Variants in STPG2 observed in about 807,000 individuals in gnomAD.
The protein encoded by STPG2 is sperm-tail PG-rich repeat-containing protein 2.
In STPG2, 56 loss-of-function variants were observed where a neutral mutation model predicts 54.2. That is an observed-to-expected ratio of 1.03 (90% confidence interval 0.83 to 1.29). The LOEUF is 1.29. Ranked by LOEUF, STPG2 falls within the 50% of genes most tolerant of loss-of-function variation. The pLI is 0.00. For missense variants in STPG2, 596 were observed against 544.9 expected, an observed-to-expected ratio of 1.09 and a Z score of -0.93; for synonymous variants, 200 against 181.8, an observed-to-expected ratio of 1.10 and a Z score of -0.81.
intron 9 of STPG2, among the ~76,000 whole-genome samples, chr4:97,735,954 C>A (rs1288153593): frequency 6.6e-6 from 1 of 152,076 alleles, no homozygotes; most frequent in Non-Finnish European, 1.5e-5. Flanking sequence ...CTCAACATCA[C>A]AAATCATCAG....
At chr4:97,893,935 C>A (rs1052815441) in intron 8 of STPG2, among the ~76,000 whole-genome samples, 2 of 151,804 alleles carry the variant, frequency 1.3e-5, no homozygotes, top group South Asian at 2.1e-4. Context: ...GTATCAGGAA[C>A]AGAAAGGGTA....
intron 9 of STPG2, among the ~76,000 whole-genome samples, chr4:97,797,830 G>T (rs1727251125): frequency 6.6e-6 from 1 of 152,080 alleles, no homozygotes. Flanking sequence ...ACTTTTTTTG[G>T]TTGGTAGGCT....
chr4:97,451,192 G>A (rs547042233), intron 4 of STPG2, among the ~76,000 whole-genome samples: 1 of 152,278 alleles, frequency 6.6e-6, no homozygotes, highest in African/African-American at 2.4e-5. Context: ...AGATTAGAAT[G>A]TCAGAGAGTG....
chr4:97,797,332 A>G (rs896683893), intron 9 of STPG2, among the ~76,000 whole-genome samples: 10 of 152,072 alleles, frequency 6.6e-5, no homozygotes, highest in African/African-American at 2.4e-4. Flanking sequence ...GTTTGTCATA[A>G]ATAGCTCTTA....
intron 10 of STPG2, among the ~76,000 whole-genome samples, chr4:97,629,556 A>G (rs1721193063): frequency 6.6e-6 from 1 of 152,022 alleles, no homozygotes; most frequent in Non-Finnish European, 1.5e-5. Flanking sequence ...CATATTACGT[A>G]ACAAAAAAAA....
At chr4:97,722,491 G>C (rs1438788965) in intron 9 of STPG2, among the ~76,000 whole-genome samples, 5 of 151,944 alleles carry the variant, frequency 3.3e-5, no homozygotes, top group Non-Finnish European at 7.4e-5. Context: ...CACACTTTTT[G>C]AGGGGTTTTA....
rs867903211 is a variant in STPG2, at chr4:97,910,309, T to C, written c.1044+33588A>G. Among the ~76,000 whole-genome samples the C allele has an allele frequency of 7.2e-5, 11 of 152,228 alleles. No homozygotes were observed. In the South Asian group the frequency reaches 8.3e-4, roughly 11 times the overall value. ...TCCCAGCTAGATAATAGTTGAGAAG[T>C]GGTAGATTATGGAAAGGTCGGGGAA... On this transcript the variant is annotated intron_variant, in intron 8 of 10. Transcript: ENST00000295268.
chr4:97,619,905 G>A (rs1157022392), intron 10 of STPG2, among the ~76,000 whole-genome samples: 2 of 149,718 alleles, frequency 1.3e-5, no homozygotes, highest in Non-Finnish European at 3.0e-5. Context: ...CTCACTGCAA[G>A]CTCCACCTCC....
intron 10 of STPG2, among the ~76,000 whole-genome samples, chr4:97,628,005 G>T (rs1342891478): frequency 1.3e-5 from 2 of 152,084 alleles, no homozygotes; most frequent in African/African-American, 4.8e-5. Context: ...GCCCACATTG[G>T]GGAGGGCAAA....
intron 7 of STPG2, among the ~76,000 whole-genome samples, chr4:97,944,690 AT>A (rs1733133338): frequency 6.6e-6 from 1 of 152,120 alleles, no homozygotes; most frequent in African/African-American, 2.4e-5. Context: ...TTGTTTCAGA[AT>A]TTGATATTCA....
At chr4:97,763,373 G>C (rs571018484) in intron 9 of STPG2, among the ~76,000 whole-genome samples, 1 of 152,098 alleles carries the variant, frequency 6.6e-6, no homozygotes, top group South Asian at 2.1e-4. Context: ...AAATAAGCTA[G>C]AAGTCTACAA....
chr4:97,972,635 G>A (rs1734373309), intron 6 of STPG2, among the ~76,000 whole-genome samples, 195 bp from the exon 7 acceptor site: 1 of 152,040 alleles, frequency 6.6e-6, no homozygotes, highest in African/African-American at 2.4e-5. Context: ...TTGCTGATAT[G>A]GTTTTGCTGT....
intron 9 of STPG2, among the ~76,000 whole-genome samples, chr4:97,751,413 T>C (rs1725577699): frequency 6.6e-6 from 1 of 151,848 alleles, no homozygotes; most frequent in Non-Finnish European, 1.5e-5. Context: ...AATAGTTTTA[T>C]ATGTTTCTTA....
chr4:97,630,853 A>C (rs1219831744), intron 10 of STPG2, among the ~76,000 whole-genome samples: 2 of 151,888 alleles, frequency 1.3e-5, no homozygotes, highest in African/African-American at 2.4e-5. Context: ...TGATTCAGAA[A>C]TGCAATTTCT....
At chr4:97,770,691 A>G (rs1430037136) in intron 9 of STPG2, among the ~76,000 whole-genome samples, 2 of 152,170 alleles carry the variant, frequency 1.3e-5, no homozygotes, top group Non-Finnish European at 2.9e-5. Flanking sequence ...TGGAATCTGG[A>G]TGTATTTTGA....
At chr4:97,480,944 A>G (rs1730205595) in intron 4 of STPG2, among the ~76,000 whole-genome samples, 1 of 151,478 alleles carries the variant, frequency 6.6e-6, no homozygotes, top group Admixed American at 6.6e-5. Context: ...TCAACTTTTT[A>G]TTGTGTGGTT....
rs369855388 is a variant in STPG2 at position 97,944,297 on chromosome 4, TTC to T, written c.934-292_934-291del. ...TATGTTCTATTTCATAACCAGCAAG[TTC>T]TGTCTCAATAATATATTAGTATAAG... is the stretch of plus-strand genomic sequence containing the variant. On this transcript the variant is annotated intron_variant, in intron 7 of 10. Transcript: ENST00000295268. Among the ~76,000 whole-genome samples the T allele has an allele frequency of 1.9e-3, 290 of 152,096 alleles. 2 individuals carry two copies. The highest frequency in any genetic ancestry group is 6.7e-3 in the African/African-American group (277 of 41,552).
chr4:97,441,534 T>A (rs908402062), intron 4 of STPG2: 1 of 152,030 alleles, frequency 6.6e-6, no homozygotes, highest in African/African-American at 2.4e-5. Context: ...TTGGACTATA[T>A]CTGTGGGAAA....
At chr4:97,538,322 C>G (rs183139573) in intron 4 of STPG2, among the ~76,000 whole-genome samples, 3 of 152,216 alleles carry the variant, frequency 2.0e-5, no homozygotes, top group Admixed American at 2.0e-4. Context: ...CTAATGAGAA[C>G]AACCGATGCA....
Sources: allele counts gnomAD v4.1 joint callset (sites outside exome capture counted in the v4.1 genomes callset), GRCh38; gene constraint gnomAD v4.1.1; transcripts MANE v1.5; gene names NCBI Gene and HGNC (gene_info 2026-07-23, HGNC 2026-07-21).